Variants in ZP3 observed in about 807,000 individuals in gnomAD.
ZP3 encodes the protein zona pellucida glycoprotein 3.
ZP3 carries 21 observed loss-of-function variants against 35.6 expected under a neutral mutation model. That is an observed-to-expected ratio of 0.59 (90% CI 0.42 to 0.85). The LOEUF (loss-of-function observed/expected upper bound fraction) is 0.85. Ranked by LOEUF, ZP3 falls within the 40% of genes least tolerant of loss-of-function variation. ZP3 has a pLI of 0.00. For missense variants in ZP3, 437 were observed against 536.5 expected (o/e 0.81, Z 1.83); for synonymous variants, 207 against 214.5 (o/e 0.96, Z 0.31).
exon 1 of ZP3, chr7:76,397,578 T>C (rs1487659623): frequency 6.2e-7 from 1 of 1,609,446 alleles, no homozygotes; most frequent in Admixed American, 1.7e-5. Flanking sequence ...CAGCCCAGGC[T>C]CTGGCAGGCT....
At chr7:76,405,364 T>G (rs1273715169) in intron 1 of ZP3, among the ~76,000 whole-genome samples, 1 of 106,220 alleles carries the variant, frequency 9.4e-6, no homozygotes, top group Non-Finnish European at 1.9e-5. Flanking sequence ...TTTTTTTTGG[T>G]AGAGAGGGTG....
At chr7:76,421,832 T>C (rs949577928), upstream of ZP3, among the ~76,000 whole-genome samples, 19 of 152,090 alleles carry the variant, frequency 1.2e-4, no homozygotes, top group African/African-American at 4.3e-4. Flanking sequence ...GAGTAGGCCA[T>C]TGGTAAATGC....
At chr7:76,429,244 C>T (rs1377951885) in intron 1 of ZP3, 14 of 434,994 alleles carry the variant, frequency 3.2e-5, no homozygotes, top group Non-Finnish European at 4.3e-6. Flanking sequence ...AGTACCTGTC[C>T]TGCCTCTTTC....
intron 1 of ZP3, among the ~76,000 whole-genome samples, chr7:76,417,649 T>C (rs971645570): frequency 5.5e-4 from 83 of 151,588 alleles, no homozygotes; most frequent in African/African-American, 1.8e-3. Context: ...CTCACTCTTG[T>C]CTCCCTGGCT....
rs199644652 is a variant in ZP3 at position 76,432,927 on chromosome 7, G to T, written c.432G>T (p.Arg144Ser). The change falls in exon 3 of 8, where the codon AGG becomes AGT. Residue 144 changes from arginine (R) to serine (S), a missense_variant and splice_region_variant. Coordinates refer to ENST00000394857, the MANE Select transcript of ZP3 (RefSeq NM_001110354.2). ...TGCACAGCTGCTGTTCTTCTCTCAG[G>T]CAGGGCAATGTGAGCAGCCAGGCCA... ...AEIPIECRYP[R>S]QGNVSSQAIL... The T allele has an allele frequency of 3.2e-4, 523 of 1,613,594 alleles. No homozygotes were observed. Among genetic ancestry groups the T allele is most frequent in the Non-Finnish European group, 4.1e-4 (484 of 1,179,870 alleles).
At chr7:76,414,199 G>A (rs955313513) in intron 1 of ZP3, among the ~76,000 whole-genome samples, 1 of 151,858 alleles carries the variant, frequency 6.6e-6, no homozygotes, top group Non-Finnish European at 1.5e-5. Flanking sequence ...GTTTTGCCAT[G>A]TTGCCCAGGC....
chr7:76,441,670 T>A lies in ZP3; in HGVS notation c.1061-172T>A, dbSNP rs531482871. On this transcript the variant is annotated intron_variant, in intron 7 of 7. Transcript: ENST00000394857. ...CCCAAAGTGCTGGGATTACAGGCAT[T>A]AGCCATCACACCTGGCCGAGAAAGC... Among the ~76,000 whole-genome samples the A allele has an allele frequency of 8.1e-4, 123 of 152,276 alleles. 1 individual carries two copies. The highest frequency in any genetic ancestry group is 2.4e-3 in the African/African-American group (99 of 41,570).
chr7:76,417,815 T>C (rs1172504130), intron 1 of ZP3, among the ~76,000 whole-genome samples: 1 of 151,692 alleles, frequency 6.6e-6, no homozygotes, highest in Non-Finnish European at 1.5e-5. Flanking sequence ...GGTCTTGCTA[T>C]GTTGCCCAGG....
intron 1 of ZP3, among the ~76,000 whole-genome samples, chr7:76,427,693 G>C (rs910373693): frequency 3.3e-5 from 5 of 152,108 alleles, no homozygotes; most frequent in Non-Finnish European, 7.4e-5. Flanking sequence ...TTGCTAATAA[G>C]GTCTAGGACT....
Position 76,429,420 on chromosome 7 carries a change from C to T in ZP3, c.313-95C>T, listed in dbSNP as rs948840936. 12 of 1,174,426 alleles carry T rather than the reference C, an allele frequency of 1.0e-5. No individual in the cohort carries two copies. In the African/African-American group the frequency reaches 1.7e-4, roughly 16 times the overall value. The allele number at this position is 1,174,426 out of a possible 1,614,324, so 72.8% of individuals were successfully genotyped here. A position where few individuals can be genotyped will look rare whatever the true frequency, so the allele number is the denominator to read the frequency against. On this transcript the variant is annotated intron_variant, in intron 1 of 7. Transcript: ENST00000394857. ...GCCTTGACCCTGTGGTCTTTCTGTC[C>T]CCTTGTGGGCTGCCCTCCCTGAGCA...
At chr7:76,412,216 TA>T (rs1405612766) in intron 1 of ZP3, among the ~76,000 whole-genome samples, 1 of 147,612 alleles carries the variant, frequency 6.8e-6, no homozygotes, top group Non-Finnish European at 1.5e-5. Flanking sequence ...AAGAAAAAGA[TA>T]AAAAAGGAAT....
At chr7:76,403,755 A>G (rs1584030918) in intron 1 of ZP3, among the ~76,000 whole-genome samples, 1 of 146,620 alleles carries the variant, frequency 6.8e-6, no homozygotes, top group Non-Finnish European at 1.5e-5. Context: ...TCCACTTCCC[A>G]GGTTCAAGTG....
At chr7:76,423,020 AG>A (rs1478987968), upstream of ZP3, among the ~76,000 whole-genome samples, 17 of 95,802 alleles carry the variant, frequency 1.8e-4, no homozygotes, top group African/African-American at 2.7e-4. Context: ...AGAGAGAGAG[AG>A]AGAGAGAAAG....
intron 5 of ZP3, among the ~76,000 whole-genome samples, chr7:76,436,030 CTTTTTTT>C (rs60553917): frequency 1.7e-3 from 129 of 74,336 alleles, no homozygotes; most frequent in South Asian, 2.0e-3. Flanking sequence ...CCCCCGCCCC[CTTTTTTT>C]TTTTTTTTTT....
At chr7:76,423,035 G>GAAAGAAAGAAAGAAAT (rs1805553381), upstream of ZP3, among the ~76,000 whole-genome samples, 1 of 123,186 alleles carries the variant, frequency 8.1e-6, no homozygotes, top group East Asian at 2.8e-4. Flanking sequence ...GAGAAAGAAA[G>GAAAGAAAGAAAGAAAT]AAAGAAAGAA....
intron 1 of ZP3, among the ~76,000 whole-genome samples, chr7:76,399,813 C>T (rs946060717): frequency 6.6e-6 from 1 of 152,104 alleles, no homozygotes; most frequent in African/African-American, 2.4e-5. Context: ...CATAAACCAC[C>T]ATGCCCGGCT....
chr7:76,436,503 A>C (rs1806019183), intron 5 of ZP3, among the ~76,000 whole-genome samples: 1 of 152,274 alleles, frequency 6.6e-6, no homozygotes. Context: ...ATTAAGGGAC[A>C]AAGTAGAAAC....
intron 5 of ZP3, among the ~76,000 whole-genome samples, chr7:76,438,177 A>AC (rs1464338466): frequency 1.2e-4 from 19 of 152,144 alleles, no homozygotes; most frequent in Non-Finnish European, 2.4e-4. Flanking sequence ...AGGGAAACTG[A>AC]CCTGGGGACG....
At chr7:76,431,698 G>C (rs1805828747) in intron 2 of ZP3, among the ~76,000 whole-genome samples, 1 of 152,156 alleles carries the variant, frequency 6.6e-6, no homozygotes, top group Non-Finnish European at 1.5e-5. Flanking sequence ...AGGAGATGGA[G>C]ACCATCCTGG....
Sources: gnomAD v4.1 joint callset for allele counts (sites outside exome capture counted in the v4.1 genomes callset) on GRCh38, gnomAD v4.1.1 for gene constraint, MANE v1.5 for transcripts, NCBI Gene and HGNC (gene_info 2026-07-23, HGNC 2026-07-21) for gene names.